Variants in TENM2 observed in about 807,000 individuals in gnomAD.
TENM2 encodes teneurin transmembrane protein 2.
A neutral mutation model predicts 245.2 loss-of-function variants in TENM2; 52 were observed. The observed-to-expected ratio is 0.21, with a 90% CI of 0.17 to 0.27. The LOEUF is 0.27. Among genes scored for constraint, TENM2 ranks in the 10% least tolerant of loss-of-function variants. The pLI is 1.00. For synonymous variants in TENM2, 1,363 were observed against 1,438.9 expected, an observed-to-expected ratio of 0.95 and a Z score of 1.19; for missense variants, 3,046 against 3,666.8, an observed-to-expected ratio of 0.83 and a Z score of 4.37.
intron 2 of TENM2, among the ~76,000 whole-genome samples, chr5:167,387,645 G>GC (rs1479955546): frequency 6.6e-6 from 1 of 152,060 alleles, no homozygotes; most frequent in African/African-American, 2.4e-5. Flanking sequence ...TATTATGTTG[G>GC]CTGGGGGTTT....
At chr5:167,264,330 T>A in the TENM2 span, among the ~76,000 whole-genome samples, 1 of 152,184 alleles carries the variant, frequency 6.6e-6, no homozygotes. Context: ...CTCACCCTGG[T>A]GGATATGTTC....
At chr5:167,200,634 T>C in the TENM2 span, among the ~76,000 whole-genome samples, 1 of 152,058 alleles carries the variant, frequency 6.6e-6, no homozygotes, top group African/African-American at 2.4e-5. Flanking sequence ...TTGTTAAACA[T>C]ATTTAATTAA....
At chr5:167,071,031 A>G in the TENM2 span, among the ~76,000 whole-genome samples, 1 of 152,160 alleles carries the variant, frequency 6.6e-6, no homozygotes, top group Non-Finnish European at 1.5e-5. Flanking sequence ...CTCTGCACAC[A>G]GGTCCCAGAT....
At chr5:166,998,801 G>T in the TENM2 span, among the ~76,000 whole-genome samples, 2 of 152,096 alleles carry the variant, frequency 1.3e-5, no homozygotes, top group African/African-American at 2.4e-5. Context: ...TTCTTTGGGT[G>T]CAGTGTTATA....
intron 9 of TENM2, among the ~76,000 whole-genome samples, chr5:168,116,246 G>A (rs1265555916): frequency 4.6e-5 from 7 of 151,980 alleles, no homozygotes; most frequent in Non-Finnish European, 8.8e-5. Flanking sequence ...TTCAATATGC[G>A]GCTTTGAAGT....
intron 2 of TENM2, among the ~76,000 whole-genome samples, chr5:167,711,578 C>G (rs76613923): frequency 0.012 from 1,843 of 152,300 alleles, 34 homozygotes; most frequent in African/African-American, 0.042. Context: ...CAATCACATC[C>G]CTTACATCAA....
intron 1 of TENM2, among the ~76,000 whole-genome samples, chr5:167,370,236 G>C (rs889184630): frequency 6.6e-6 from 1 of 151,274 alleles, no homozygotes; most frequent in Non-Finnish European, 1.5e-5. Context: ...CAGCTACTCG[G>C]GAGGCTGAGG....
chr5:166,998,388 A>C, the TENM2 span, among the ~76,000 whole-genome samples: 1 of 152,190 alleles, frequency 6.6e-6, no homozygotes, highest in Admixed American at 6.5e-5. Context: ...TAATGTTTAC[A>C]AAACATGATC....
chr5:167,707,137 T>G (rs1276568540), intron 2 of TENM2, among the ~76,000 whole-genome samples: 2 of 152,104 alleles, frequency 1.3e-5, no homozygotes, highest in Non-Finnish European at 2.9e-5. Context: ...CAGTGTGGTT[T>G]TGATTTGTAT....
intron 1 of TENM2, among the ~76,000 whole-genome samples, chr5:167,302,478 G>T (rs1755394613): frequency 6.6e-6 from 1 of 151,358 alleles, no homozygotes; most frequent in Admixed American, 6.6e-5. Flanking sequence ...AGGGGTCAGG[G>T]TGGGGAAATA....
chr5:167,811,521 C>T (rs149561082), intron 2 of TENM2, among the ~76,000 whole-genome samples: 126 of 152,222 alleles, frequency 8.3e-4, no homozygotes, highest in Non-Finnish European at 1.5e-3. Flanking sequence ...GCCTGCAGAA[C>T]GATCTGCCAC....
At chr5:167,114,580 G>GA in the TENM2 span, among the ~76,000 whole-genome samples, 1 of 152,072 alleles carries the variant, frequency 6.6e-6, no homozygotes, top group African/African-American at 2.4e-5. Context: ...AATTTTTCAT[G>GA]AAAAAAGTAC....
chr5:167,286,122 T>G (rs1771334362), intron 1 of TENM2, among the ~76,000 whole-genome samples: 2 of 152,240 alleles, frequency 1.3e-5, no homozygotes, highest in Non-Finnish European at 2.9e-5. Flanking sequence ...ATCCAGAGGT[T>G]GTTGTAGATA....
chr5:167,249,256 T>G, the TENM2 span, among the ~76,000 whole-genome samples: 1 of 152,064 alleles, frequency 6.6e-6, no homozygotes, highest in Admixed American at 6.6e-5. Flanking sequence ...GCAAATGAAA[T>G]ACAAGGTATG....
chr5:168,002,696 TAA>T (rs1225180448), intron 5 of TENM2, among the ~76,000 whole-genome samples: 1 of 152,362 alleles, frequency 6.6e-6, no homozygotes, highest in East Asian at 1.9e-4. Flanking sequence ...AATTATGAGT[TAA>T]GACTCTTTTT....
intron 2 of TENM2, among the ~76,000 whole-genome samples, chr5:167,730,926 A>G (rs2337020): frequency 0.42 from 63,664 of 151,972 alleles, 15,312 homozygotes; most frequent in East Asian, 0.81. Context: ...TCAACATAAT[A>G]CTTCTCACAG....
chr5:167,283,608 A>G (rs1019516767), upstream of TENM2, among the ~76,000 whole-genome samples: 1 of 152,202 alleles, frequency 6.6e-6, no homozygotes, highest in African/African-American at 2.4e-5. Context: ...TCTGCTCCCC[A>G]AGTATTTCCT....
intron 2 of TENM2, among the ~76,000 whole-genome samples, chr5:167,871,328 C>T (rs192463126): frequency 6.6e-6 from 1 of 152,228 alleles, no homozygotes; most frequent in East Asian, 1.9e-4. Flanking sequence ...TCCAGGGCTT[C>T]CTCACAGTCC....
chr5:167,447,872 A>T lies in TENM2; in HGVS notation c.502+72399A>T, dbSNP rs115739336. ...CTCTCATTGTGACAGAGGCGTTTCC[A>T]CCGAGGAAAGTGGCAAGGGTACTCT... is the stretch of plus-strand genomic sequence containing the variant. On this transcript the variant is annotated intron_variant, in intron 2 of 28. Coordinates refer to ENST00000518659, the Ensembl canonical transcript of TENM2. Among the ~76,000 whole-genome samples the T allele has an allele frequency of 6.2e-3, 944 of 152,292 alleles. 10 individuals are homozygous for T. The highest frequency in any genetic ancestry group is 0.021 in the African/African-American group (874 of 41,562).
Sources: gnomAD v4.1 joint callset for allele counts (sites outside exome capture counted in the v4.1 genomes callset) on GRCh38, gnomAD v4.1.1 for gene constraint, MANE v1.5 for transcripts, NCBI Gene and HGNC (gene_info 2026-07-23, HGNC 2026-07-21) for gene names.